Variants in COG5 observed in about 807,000 individuals in gnomAD.
COG5 encodes the protein conserved oligomeric Golgi complex subunit 5.
COG5 carries 86 observed loss-of-function variants against 110.4 expected under a neutral mutation model. The observed-to-expected ratio is 0.78, with a 90% CI of 0.65 to 0.93. The LOEUF (loss-of-function observed/expected upper bound fraction) is 0.93, where lower values mean the gene tolerates loss of function less well. COG5 is among the 40% of genes least tolerant of loss of function. The probability of loss-of-function intolerance (pLI) is 0.00; values close to 1 mark genes in which losing one functional copy is unlikely to be tolerated. For synonymous variants in COG5, 360 were observed against 334.6 expected (o/e 1.08, Z -0.83); for missense variants, 1,077 against 987.0 (o/e 1.09, Z -1.22).
chr7:107,437,388 G>GT (rs1794432266), intron 6 of COG5, among the ~76,000 whole-genome samples: 1 of 152,112 alleles, frequency 6.6e-6, no homozygotes, highest in African/African-American at 2.4e-5. Flanking sequence ...AAAACCTGAG[G>GT]TTTAGGCATC....
At chr7:107,340,357 A>G (rs1043295116) in intron 10 of COG5, among the ~76,000 whole-genome samples, 9 of 152,130 alleles carry the variant, frequency 5.9e-5, no homozygotes, top group African/African-American at 1.9e-4. Flanking sequence ...ACCAATATCA[A>G]GTTTTGTAAC....
chr7:107,377,997 G>A (rs1021385798), intron 7 of COG5, among the ~76,000 whole-genome samples: 22 of 152,280 alleles, frequency 1.4e-4, no homozygotes, highest in African/African-American at 4.6e-4. Flanking sequence ...AGCAGGGGTC[G>A]ACAGACATCT....
At chr7:107,334,167 G>C (rs1321493553) in intron 10 of COG5, among the ~76,000 whole-genome samples, 3 of 152,030 alleles carry the variant, frequency 2.0e-5, no homozygotes, top group African/African-American at 7.2e-5. Flanking sequence ...TATCTACAGA[G>C]AAACGGATTA....
intron 6 of COG5, among the ~76,000 whole-genome samples, chr7:107,446,481 A>C (rs76183157): frequency 0.01 from 1,565 of 152,292 alleles, 24 homozygotes; most frequent in African/African-American, 0.034. Context: ...TGGTAATCAC[A>C]TTCCTCTGTA....
chr7:107,435,455 C>T (rs762559362), intron 6 of COG5, among the ~76,000 whole-genome samples: 2 of 152,016 alleles, frequency 1.3e-5, no homozygotes, highest in Non-Finnish European at 2.9e-5. Flanking sequence ...GAATTTGAGA[C>T]CAGCCTGACC....
At chr7:107,220,666 C>T (rs868622363) in intron 19 of COG5, among the ~76,000 whole-genome samples, 2 of 152,162 alleles carry the variant, frequency 1.3e-5, no homozygotes, top group African/African-American at 2.4e-5. Context: ...CTCATTGTGA[C>T]GAGGCTGCTC....
intron 14 of COG5, among the ~76,000 whole-genome samples, chr7:107,274,453 T>C (rs950691323): frequency 3.3e-5 from 5 of 152,158 alleles, no homozygotes; most frequent in Non-Finnish European, 7.4e-5. Flanking sequence ...TTTTGCACTG[T>C]GGAGGGGTTG....
intron 6 of COG5, among the ~76,000 whole-genome samples, chr7:107,503,260 T>C (rs1274300888): frequency 6.6e-6 from 1 of 152,186 alleles, no homozygotes; most frequent in Non-Finnish European, 1.5e-5. Context: ...AGGGTGTTCT[T>C]TCCCCAATTT....
chr7:107,385,934 ATCT>A (rs1397542190), intron 7 of COG5, among the ~76,000 whole-genome samples: 1 of 149,886 alleles, frequency 6.7e-6, no homozygotes, highest in Non-Finnish European at 1.5e-5. Flanking sequence ...CCATCTGTAT[ATCT>A]TCTTTGGAGA....
At chr7:107,538,226 A>G (rs1801730108) in intron 5 of COG5, among the ~76,000 whole-genome samples, 1 of 152,204 alleles carries the variant, frequency 6.6e-6, no homozygotes, top group African/African-American at 2.4e-5. Context: ...CTGCATAATA[A>G]AAGATTAGGG....
At chr7:107,512,644 C>A (rs930890011) in intron 6 of COG5, among the ~76,000 whole-genome samples, 6 of 152,194 alleles carry the variant, frequency 3.9e-5, no homozygotes, top group African/African-American at 1.4e-4. Context: ...TGACTTCAAA[C>A]TATACTACAA....
At chr7:107,229,929 C>A (rs1406286812) in intron 19 of COG5, among the ~76,000 whole-genome samples, 1 of 149,546 alleles carries the variant, frequency 6.7e-6, no homozygotes, top group East Asian at 2.0e-4. Context: ...CGGCTCACTG[C>A]AACCTCTGAC....
chr7:107,454,141 A>G (rs1188167467), intron 6 of COG5, among the ~76,000 whole-genome samples: 2 of 152,328 alleles, frequency 1.3e-5, no homozygotes, highest in East Asian at 3.9e-4. Flanking sequence ...TTGAAAAATA[A>G]TAAAATTATG....
intron 14 of COG5, among the ~76,000 whole-genome samples, chr7:107,277,521 T>C (rs1235508300): frequency 6.6e-6 from 1 of 152,200 alleles, no homozygotes; most frequent in Non-Finnish European, 1.5e-5. Context: ...TGAATGCTAG[T>C]GCCAACACCT....
chr7:107,230,575 C>T, intron 19 of COG5, 40 bp downstream of exon 19: 3 of 1,433,834 alleles, frequency 2.1e-6, no homozygotes, highest in Non-Finnish European at 3.0e-6. Flanking sequence ...ATTTATTTGC[C>T]TGGAGGATAT....
At chr7:107,481,892 T>C (rs768883203) in intron 6 of COG5, among the ~76,000 whole-genome samples, 3 of 152,186 alleles carry the variant, frequency 2.0e-5, no homozygotes, top group Non-Finnish European at 4.4e-5. Flanking sequence ...TTTATACTGC[T>C]TTTATAATGC....
intron 10 of COG5, among the ~76,000 whole-genome samples, chr7:107,351,442 A>G (rs2129041461): frequency 6.6e-6 from 1 of 152,332 alleles, no homozygotes; most frequent in East Asian, 1.9e-4. Flanking sequence ...TGGCAACAAA[A>G]GCCAAAATTG....
At chr7:107,319,086 C>T (rs1274824665) in intron 11 of COG5, among the ~76,000 whole-genome samples, 3 of 150,840 alleles carry the variant, frequency 2.0e-5, no homozygotes, top group Admixed American at 6.6e-5. Flanking sequence ...GCTGTATCTT[C>T]TAGTTCACTG....
At chr7:107,344,119 G>C (rs1258171047) in intron 10 of COG5, among the ~76,000 whole-genome samples, 1 of 152,152 alleles carries the variant, frequency 6.6e-6, no homozygotes, top group African/African-American at 2.4e-5. Context: ...TTTGAAGCCA[G>C]GTATGGACTT....
Sources: allele counts gnomAD v4.1 joint callset (sites outside exome capture counted in the v4.1 genomes callset), GRCh38; gene constraint gnomAD v4.1.1; transcripts MANE v1.5; gene names NCBI Gene and HGNC (gene_info 2026-07-23, HGNC 2026-07-21).